TMEM182: variants seen among roughly 807,000 people sequenced by gnomAD.
TMEM182 encodes transmembrane protein 182.
TMEM182 carries 20 observed loss-of-function variants against 26.8 expected under a neutral mutation model. That is an observed-to-expected ratio of 0.75 (90% CI 0.53 to 1.09). The LOEUF (loss-of-function observed/expected upper bound fraction) is 1.09. Ranked by LOEUF, TMEM182 falls within the 50% of genes least tolerant of loss-of-function variation. The pLI, the probability that TMEM182 is intolerant of heterozygous loss-of-function variation, is 0.00. For missense variants in TMEM182, 277 were observed against 275.5 expected (o/e 1.01, Z -0.04); for synonymous variants, 109 against 102.2 (o/e 1.07, Z -0.40).
chr2:102,842,287 C>T (rs898450322), intron 3 of TMEM182, among the ~76,000 whole-genome samples: 1 of 152,146 alleles, frequency 6.6e-6, no homozygotes, highest in African/African-American at 2.4e-5. Flanking sequence ...ATGGTGCTGT[C>T]CCCTTTTCCT....
intron 4 of TMEM182, among the ~76,000 whole-genome samples, chr2:102,809,053 T>G (rs1682452055): frequency 6.6e-6 from 1 of 152,216 alleles, no homozygotes; most frequent in South Asian, 2.1e-4. Flanking sequence ...CTATGTAAAG[T>G]ATATGTAAAT....
chr2:102,839,501 A>G (rs1025241808), intron 3 of TMEM182, among the ~76,000 whole-genome samples: 6 of 148,710 alleles, frequency 4.0e-5, no homozygotes, highest in African/African-American at 9.9e-5. Context: ...ATTCCTGTCT[A>G]TATAGTGGAA....
Sources: allele counts gnomAD v4.1 joint callset (sites outside exome capture counted in the v4.1 genomes callset), GRCh38; gene constraint gnomAD v4.1.1; transcripts MANE v1.5; gene names NCBI Gene and HGNC (gene_info 2026-07-23, HGNC 2026-07-21).